The following PLCL1 variants were observed in gnomAD, a reference collection of about 807,000 sequenced individuals.
PLCL1 encodes the protein phospholipase C like 1 (inactive).
A neutral mutation model predicts 84.4 loss-of-function variants in PLCL1; 41 were observed. The observed-to-expected ratio is 0.49, with a 90% CI of 0.38 to 0.63. PLCL1 has a LOEUF of 0.63. PLCL1 is among the 30% of genes least tolerant of loss of function. The pLI, the probability that PLCL1 is intolerant of heterozygous loss-of-function variation, is 0.00. For synonymous variants in PLCL1, 490 were observed against 488.3 expected (o/e 1.00, Z -0.05); for missense variants, 1,206 against 1,367.8 (o/e 0.88, Z 1.87).
At chr2:197,866,052 T>TAC (rs1553497686) in intron 1 of PLCL1, among the ~76,000 whole-genome samples, 1 of 86,728 alleles carries the variant, frequency 1.2e-5, no homozygotes, top group East Asian at 2.9e-4. Flanking sequence ...TATATATATA[T>TAC]ACACACACAC....
chr2:198,058,847 GA>G (rs1378230722), intron 1 of PLCL1, among the ~76,000 whole-genome samples: 1 of 152,040 alleles, frequency 6.6e-6, no homozygotes, highest in Non-Finnish European at 1.5e-5. Flanking sequence ...CAATCAGGCT[GA>G]AGACAGAATT....
chr2:197,997,014 T>C (rs543561565), intron 1 of PLCL1, among the ~76,000 whole-genome samples: 1 of 152,296 alleles, frequency 6.6e-6, no homozygotes, highest in South Asian at 2.1e-4. Flanking sequence ...GAGAGATAGC[T>C]TGTGCTTTGT....
chr2:197,816,606 ATTAC>A (rs1395720623), intron 1 of PLCL1, among the ~76,000 whole-genome samples: 1 of 152,162 alleles, frequency 6.6e-6, no homozygotes, highest in African/African-American at 2.4e-5. Flanking sequence ...AGGATGGACC[ATTAC>A]TTAATTATTG....
intron 1 of PLCL1, among the ~76,000 whole-genome samples, chr2:197,829,320 T>C (rs192440551): frequency 6.6e-6 from 1 of 152,178 alleles, no homozygotes; most frequent in Admixed American, 6.5e-5. Flanking sequence ...GTAAATCATA[T>C]TTGAAGCTAG....
chr2:197,927,665 C>CT (rs1405754074), intron 1 of PLCL1, among the ~76,000 whole-genome samples: 2 of 152,290 alleles, frequency 1.3e-5, no homozygotes, highest in East Asian at 3.9e-4. Flanking sequence ...TTAGAAACCT[C>CT]TCTGGCTCAC....
intron 1 of PLCL1, among the ~76,000 whole-genome samples, chr2:198,010,573 G>A (rs1428436534): frequency 3.3e-5 from 5 of 151,616 alleles, no homozygotes; most frequent in Non-Finnish European, 4.4e-5. Flanking sequence ...TTTGTTTAGG[G>A]TTTTTGCATC....
intron 1 of PLCL1, among the ~76,000 whole-genome samples, chr2:198,057,159 G>A (rs1006614768): frequency 5.3e-5 from 8 of 152,062 alleles, no homozygotes; most frequent in Non-Finnish European, 1.2e-4. Context: ...TCTTTTAGGA[G>A]TCAATACTCT....
chr2:197,896,758 T>G (rs867640982), intron 1 of PLCL1, among the ~76,000 whole-genome samples: 27 of 152,054 alleles, frequency 1.8e-4, no homozygotes, highest in African/African-American at 6.3e-4. Flanking sequence ...AAAAGAGTTT[T>G]GCATTTGCTT....
At chr2:197,999,677 C>T (rs1238305044) in intron 1 of PLCL1, among the ~76,000 whole-genome samples, 1 of 152,054 alleles carries the variant, frequency 6.6e-6, no homozygotes, top group Non-Finnish European at 1.5e-5. Context: ...AAAGAAATAC[C>T]CCATCTTTTC....
At chr2:197,885,528 A>G (rs1218981910) in intron 1 of PLCL1, among the ~76,000 whole-genome samples, 2 of 152,214 alleles carry the variant, frequency 1.3e-5, no homozygotes, top group African/African-American at 4.8e-5. Flanking sequence ...CACTGATTCC[A>G]ATGCTAATCT....
chr2:197,829,908 A>G (rs1273824739), intron 1 of PLCL1, among the ~76,000 whole-genome samples: 2 of 152,186 alleles, frequency 1.3e-5, no homozygotes, highest in East Asian at 3.9e-4. Flanking sequence ...TTACATATGA[A>G]ATCTTGTAAT....
chr2:197,969,281 A>T (rs1315077073), intron 1 of PLCL1, among the ~76,000 whole-genome samples: 1 of 152,208 alleles, frequency 6.6e-6, no homozygotes, highest in East Asian at 1.9e-4. Context: ...TGCATGTGTG[A>T]GTCTAGCATA....
intron 5 of PLCL1, among the ~76,000 whole-genome samples, chr2:198,108,063 G>T (rs1454563645): frequency 1.3e-5 from 2 of 151,736 alleles, no homozygotes; most frequent in African/African-American, 4.8e-5. Flanking sequence ...TTTTCTATAC[G>T]ATTCTTCCTT....
At chr2:198,083,189 C>A (rs973257686) in intron 1 of PLCL1, among the ~76,000 whole-genome samples, 1 of 152,150 alleles carries the variant, frequency 6.6e-6, no homozygotes, top group African/African-American at 2.4e-5. Flanking sequence ...TGAAAATTTG[C>A]TCAAATGAGA....
intron 1 of PLCL1, among the ~76,000 whole-genome samples, chr2:197,907,085 C>T (rs1046419610): frequency 4.1e-5 from 6 of 145,838 alleles, no homozygotes; most frequent in Non-Finnish European, 9.0e-5. Flanking sequence ...AACATCATAC[C>T]GAATGGGCAA....
intron 1 of PLCL1, among the ~76,000 whole-genome samples, chr2:197,867,034 T>C (rs1687563585): frequency 6.6e-6 from 1 of 152,136 alleles, no homozygotes; most frequent in South Asian, 2.1e-4. Context: ...CCGAGATGCA[T>C]TAGCAAACAC....
chr2:198,108,851 A>G (rs1462744289), intron 5 of PLCL1, among the ~76,000 whole-genome samples: 3 of 151,864 alleles, frequency 2.0e-5, no homozygotes, highest in African/African-American at 7.2e-5. Flanking sequence ...CCATATGTCT[A>G]TATCCAACTG....
chr2:197,825,611 C>G (rs1177793684), intron 1 of PLCL1, among the ~76,000 whole-genome samples: 1 of 152,194 alleles, frequency 6.6e-6, no homozygotes, highest in Non-Finnish European at 1.5e-5. Context: ...CTTCTACCTT[C>G]CTTAAGGGAA....
chr2:197,977,580 T>G (rs1326351464), intron 1 of PLCL1, among the ~76,000 whole-genome samples: 1 of 152,166 alleles, frequency 6.6e-6, no homozygotes, highest in Non-Finnish European at 1.5e-5. Flanking sequence ...TCCATATCTG[T>G]TCCTATTGCC....
Sources: gnomAD v4.1 joint callset for allele counts (sites outside exome capture counted in the v4.1 genomes callset) on GRCh38, gnomAD v4.1.1 for gene constraint, MANE v1.5 for transcripts, NCBI Gene and HGNC (gene_info 2026-07-23, HGNC 2026-07-21) for gene names.